ELOVL5: variants seen among roughly 807,000 people sequenced by gnomAD.
ELOVL5 encodes the protein ELOVL fatty acid elongase 5.
ELOVL5 carries 8 observed loss-of-function variants against 38.6 expected under a neutral mutation model. The ratio of observed to expected loss-of-function variants is 0.21; its 90% CI spans 0.12 to 0.37. The LOEUF (loss-of-function observed/expected upper bound fraction) is 0.37. Ranked by LOEUF, ELOVL5 falls within the 10% of genes least tolerant of loss-of-function variation. ELOVL5 has a pLI of 1.00. For synonymous variants in ELOVL5, 127 were observed against 133.7 expected (o/e 0.95, Z 0.34); for missense variants, 280 against 367.8 (o/e 0.76, Z 1.95).
chr6:53,320,567 C>A (rs562332463), intron 1 of ELOVL5, among the ~76,000 whole-genome samples: 1 of 151,962 alleles, frequency 6.6e-6, no homozygotes, highest in East Asian at 2.0e-4. Flanking sequence ...TCGTGATCCA[C>A]CCACCTCGGC....
chr6:53,329,386 G>C (rs1768689564), intron 1 of ELOVL5, among the ~76,000 whole-genome samples: 1 of 151,934 alleles, frequency 6.6e-6, no homozygotes, highest in Admixed American at 6.6e-5. Context: ...ATTTAAAATT[G>C]GTTTCTAATA....
intron 3 of ELOVL5, among the ~76,000 whole-genome samples, chr6:53,282,866 A>C (rs1490330893): frequency 6.6e-6 from 1 of 152,220 alleles, no homozygotes; most frequent in Non-Finnish European, 1.5e-5. Flanking sequence ...GGAAAGCCTG[A>C]AGGGAAAGAA....
chr6:53,276,297 C>A, intron 3 of ELOVL5, 41 bp from the exon 4 acceptor site: 2 of 1,283,986 alleles, frequency 1.6e-6, no homozygotes, highest in Non-Finnish European at 2.3e-6. Context: ...AGCATCTGAG[C>A]CATGTAAAGT....
intron 1 of ELOVL5, among the ~76,000 whole-genome samples, chr6:53,345,745 G>T (rs1769513471): frequency 9.3e-6 from 1 of 107,310 alleles, no homozygotes; most frequent in South Asian, 3.6e-4. Flanking sequence ...AAGTTGTGGA[G>T]TAACAGTGTT....
At chr6:53,346,983 T>C (rs1307954249) in intron 1 of ELOVL5, among the ~76,000 whole-genome samples, 1 of 152,228 alleles carries the variant, frequency 6.6e-6, no homozygotes, top group Non-Finnish European at 1.5e-5. Flanking sequence ...GCATTATCTC[T>C]TGAAATCCAC....
rs1346035435 is a variant in ELOVL5, at chr6:53,274,543, A to C, written c.496+547T>G. On this transcript the variant is annotated intron_variant, in intron 5 of 7. Transcript: ENST00000304434. Reference sequence around the variant, plus strand: ...GGTGGCAATCTCTGAAAATTATAAGAAACTTTGGACTACAAGCTTTCCAAA... The same window carrying C: ...GGTGGCAATCTCTGAAAATTATAAGCAACTTTGGACTACAAGCTTTCCAAA... Among the ~76,000 whole-genome samples, 6 of 152,358 alleles carry C rather than the reference A, an allele frequency of 3.9e-5. No homozygotes were observed. The East Asian group carries it at 9.6e-4, about 24-fold the overall frequency.
intron 3 of ELOVL5, among the ~76,000 whole-genome samples, chr6:53,285,074 GTC>G (rs1180293162): frequency 2.6e-5 from 4 of 152,174 alleles, no homozygotes; most frequent in Non-Finnish European, 5.9e-5. Context: ...AGAGTAGCAT[GTC>G]TCTCACTTTA....
At chr6:53,337,266 C>T (rs542950522) in intron 1 of ELOVL5, 1 of 152,362 alleles carries the variant, frequency 6.6e-6, no homozygotes, top group South Asian at 2.1e-4. Context: ...CCTCGTTCAT[C>T]CTGATGAAGC....
intron 1 of ELOVL5, among the ~76,000 whole-genome samples, chr6:53,332,723 A>G (rs893081932): frequency 6.6e-6 from 1 of 152,234 alleles, no homozygotes; most frequent in Non-Finnish European, 1.5e-5. Context: ...CACTTTTTGG[A>G]AACCAAACTT....
chr6:53,303,525 A>G (rs1767349608), intron 1 of ELOVL5, among the ~76,000 whole-genome samples: 2 of 152,214 alleles, frequency 1.3e-5, no homozygotes, highest in South Asian at 2.1e-4. Flanking sequence ...TTCCTGCCAT[A>G]TATCATACAC....
intron 1 of ELOVL5, among the ~76,000 whole-genome samples, chr6:53,346,539 G>A (rs1354902556): frequency 2.6e-5 from 4 of 152,050 alleles, no homozygotes; most frequent in African/African-American, 9.7e-5. Context: ...TTATTTACAG[G>A]TAACTAATGA....
At chr6:53,288,844 T>G (rs918288935) in intron 3 of ELOVL5, among the ~76,000 whole-genome samples, 1 of 152,184 alleles carries the variant, frequency 6.6e-6, no homozygotes, top group South Asian at 2.1e-4. Flanking sequence ...GGTGGGTGGA[T>G]TGCTTGAGCC....
Position 53,267,928 on chromosome 6 carries a change from T to A in ELOVL5, c.*1199A>T, listed in dbSNP as rs1342805764. 1 of 152,194 alleles carries A rather than the reference T, an allele frequency of 6.6e-6. No homozygotes were observed. Among genetic ancestry groups the A allele is most frequent in the Non-Finnish European group, 1.5e-5 (1 of 68,018 alleles). 9.4% of individuals were successfully genotyped at this position (152,194 alleles called of 1,614,324 possible). A position where few individuals can be genotyped will look rare whatever the true frequency, so the allele number is the denominator to read the frequency against. On this transcript the variant is annotated 3_prime_UTR_variant, in exon 8 of 8. Transcript: ENST00000304434. ...TTTTATGATAAGCAGTCTATTATTT[T>A]TAAACAAGAGGTTCTAAACACATCT...
rs577910760 is a variant in ELOVL5, at chr6:53,288,667, G to A, written c.246+3109C>T. 5.9e-5 allele frequency among the ~76,000 whole-genome samples: 9 copies of A among 152,136 alleles called. No individual in the cohort carries two copies. In the East Asian group the frequency reaches 9.7e-4, roughly 16 times the overall value. Reference sequence around the variant, plus strand: ...TATATTCCTTCTACATTTTAAACTCGGTTTCACAGTTTTAAAACTGGGATT... The same window carrying A: ...TATATTCCTTCTACATTTTAAACTCAGTTTCACAGTTTTAAAACTGGGATT... On this transcript the variant is annotated intron_variant, in intron 3 of 7. Transcript: ENST00000304434.
At chr6:53,316,426 G>A (rs1182245266) in intron 1 of ELOVL5, among the ~76,000 whole-genome samples, 1 of 152,176 alleles carries the variant, frequency 6.6e-6, no homozygotes, top group African/African-American at 2.4e-5. Flanking sequence ...TAATATTTAA[G>A]GCTTGCTAGT....
At chr6:53,294,608 T>C in intron 2 of ELOVL5, 2 of 1,372,694 alleles carry the variant, frequency 1.5e-6, no homozygotes, top group Non-Finnish European at 1.9e-6. Context: ...TTATTATTAT[T>C]ATTTTAGCCA....
chr6:53,342,449 G>A (rs1401541625), intron 1 of ELOVL5, among the ~76,000 whole-genome samples: 6 of 152,178 alleles, frequency 3.9e-5, no homozygotes, highest in Admixed American at 3.9e-4. Context: ...GACCTGAGTG[G>A]CCAATTCGCC....
chr6:53,317,531 A>T (rs562494571), intron 1 of ELOVL5, among the ~76,000 whole-genome samples: 87 of 152,254 alleles, frequency 5.7e-4, no homozygotes, highest in Non-Finnish European at 1.1e-3. Flanking sequence ...TTCTCAGCAA[A>T]CTATCGCAAG....
intron 1 of ELOVL5, among the ~76,000 whole-genome samples, chr6:53,331,434 T>A (rs1233494143): frequency 1.3e-5 from 2 of 152,238 alleles, no homozygotes; most frequent in African/African-American, 4.8e-5. Context: ...GGTACGTAAT[T>A]GTATGTGTGA....
Sources: allele counts gnomAD v4.1 joint callset (sites outside exome capture counted in the v4.1 genomes callset), GRCh38; gene constraint gnomAD v4.1.1; transcripts MANE v1.5; gene names NCBI Gene and HGNC (gene_info 2026-07-23, HGNC 2026-07-21).